Variants in PSG7 observed in about 807,000 individuals in gnomAD.
PSG7 encodes pregnancy-specific beta-1-glycoprotein 7.
A neutral mutation model predicts 45.6 loss-of-function variants in PSG7; 57 were observed. The ratio of observed to expected loss-of-function variants is 1.25; its 90% CI spans 1.01 to 1.56. The LOEUF is 1.56. Ranked by LOEUF, PSG7 falls within the 40% of genes most tolerant of loss-of-function variation. The probability of loss-of-function intolerance (pLI) is 0.00; values close to 1 mark genes in which losing one functional copy is unlikely to be tolerated. For synonymous variants in PSG7, 298 were observed against 194.4 expected (o/e 1.53, Z -4.43); for missense variants, 796 against 508.4 (o/e 1.57, Z -5.44).
chr19:42,935,869 T>G, intron 1 of PSG7, 100 bp from the exon 2 acceptor site: 2 of 1,149,008 alleles, frequency 1.7e-6, no homozygotes, highest in East Asian at 5.2e-5. Flanking sequence ...TCCTCAGCCT[T>G]GAAGACACAC....
chr19:42,931,478 AG>A (rs1973018249), intron 2 of PSG7, among the ~76,000 whole-genome samples: 1 of 151,656 alleles, frequency 6.6e-6, no homozygotes, highest in Non-Finnish European at 1.5e-5. Flanking sequence ...AAATATAGAA[AG>A]AACTGCCTGC....
intron 2 of PSG7, among the ~76,000 whole-genome samples, chr19:42,933,278 TATATATATATATATATATATA>T (rs1568459393): frequency 3.2e-4 from 2 of 6,256 alleles, no homozygotes; most frequent in East Asian, 0.012. Flanking sequence ...TATATATATA[TATATATATATATATATATATA>T]TATATATATT....
At position 42,935,680 on chromosome 19, in the gene PSG7, G is replaced by A. The variant is rs782078128; in HGVS notation, c.154C>T (p.Leu52Phe). Reference sequence around the variant, plus strand: ...TGGGGCAAATTGTGGACAAGTAGAAGAACATCCTTCCCCTCGGAAACTTTT... The same window carrying A: ...TGGGGCAAATTGTGGACAAGTAGAAAAACATCCTTCCCCTCGGAAACTTTT... The part of the protein sequence containing the change: ...PPKVSEGKDV[L>F]LLVHNLPQNL... The change falls in exon 2 of 6, where the codon CTT becomes TTT. Residue 52 changes from leucine to phenylalanine, a missense_variant. Leu to Phe is a conservative substitution (Grantham distance 22). Transcript: ENST00000406070. 6.2e-7 allele frequency: 1 copy of A among 1,612,056 alleles called. No homozygotes were observed. The highest frequency in any genetic ancestry group is 8.5e-7 in the Non-Finnish European group (1 of 1,179,094).
In PSG7 at chr19:42,926,574, G is replaced by C. The variant is rs533850575; in HGVS notation, c.852C>G (p.Pro284=). ...TGTTTTCAATGCGTCGCTTTACCCT[G>C]GGACTGACCGGGAGGCTCTGACCAT... ...WLNGQSLPVS[P]RVKRRIENRI... Residue 284 remains proline, a synonymous_variant, in exon 4 of 6, where the codon CCC becomes CCG. Coordinates refer to ENST00000406070, the MANE Select transcript of PSG7 (RefSeq NM_002783.3). 5.8e-5 allele frequency: 93 copies of C among 1,610,328 alleles called. 6 individuals carry two copies. The highest frequency in any genetic ancestry group is 5.3e-4 in the South Asian group (48 of 90,530).
rs551417199 is a variant in PSG7, at chr19:42,929,270, G to T, written c.709+172C>A. 6.4e-5 allele frequency: 92 copies of T among 1,426,680 alleles called. 1 individual carries two copies. The highest frequency in any genetic ancestry group is 6.4e-4 in the South Asian group (45 of 69,874). The allele number at this position is 1,426,680 out of a possible 1,614,324, so 88.4% of individuals were successfully genotyped here. A position where few individuals can be genotyped will look rare whatever the true frequency, so the allele number is the denominator to read the frequency against. The stretch of plus-strand genomic sequence containing the variant: ...GGAGCAGCCTCTTTTCTCTTATTGT[G>T]GATCAAGCCTAGGCCTACTCTGGTT... On this transcript the variant is annotated intron_variant, in intron 3 of 5. Transcript: ENST00000406070.
chr19:42,937,084 G>C lies in PSG7; in HGVS notation c.-8C>G, dbSNP rs752628223. 18 of 1,610,486 alleles carry C rather than the reference G, an allele frequency of 1.1e-5. 1 individual carries two copies. The South Asian group carries it at 1.2e-4, about 11-fold the overall frequency. On this transcript the variant is annotated 5_prime_UTR_variant, in exon 1 of 6. Transcript: ENST00000406070. ...GGCTGAGAGGGGCCCCATGGTCTCT[G>C]CTCCCTGCGTGTTCTCCTCTGTGGA... is the stretch of plus-strand genomic sequence containing the variant.
intron 1 of PSG7, chr19:42,936,356 C>A (rs756703636): frequency 6.3e-6 from 1 of 158,482 alleles, no homozygotes; most frequent in Non-Finnish European, 1.4e-5. Flanking sequence ...TTCTCAGGGG[C>A]CTCCATGCCC....
chr19:42,933,309 T>TATATATATA lies in PSG7; in HGVS notation c.430+2094_430+2095insTATATATAT, dbSNP rs1568459658. ...TATATATATATATATATATATATATTTTTTTTTTTTTTTGGTGTATGTATG... is the reference window on the plus strand; with the variant it reads ...TATATATATATATATATATATATATTATATATATATTTTTTTTTTTTTGGTGTATGTATG... On this transcript the variant is annotated intron_variant, in intron 2 of 5. Coordinates refer to ENST00000406070, the MANE Select transcript of PSG7 (RefSeq NM_002783.3). 1.0e-3 allele frequency among the ~76,000 whole-genome samples: 22 copies of TATATATATA among 21,142 alleles called. 1 individual carries two copies. Among genetic ancestry groups the TATATATATA allele is most frequent in the African/African-American group, 2.1e-3 (19 of 8,920 alleles). 13.9% of individuals were successfully genotyped at this position (21,142 alleles called of 152,430 possible). A position where few individuals can be genotyped will look rare whatever the true frequency, so the allele number is the denominator to read the frequency against.
intron 4 of PSG7, 50 bp from the exon 5 acceptor site, chr19:42,926,077 A>G (rs1391498296): frequency 1.3e-6 from 2 of 1,597,396 alleles, no homozygotes; most frequent in Admixed American, 1.7e-5. Flanking sequence ...AGGGAAGGGG[A>G]TGCTCCTGGT....
In PSG7 at chr19:42,925,789, C is replaced by T. The variant is rs373648951; in HGVS notation, c.1227G>A (p.Val409=). The change falls in exon 5 of 6, where the codon GTG becomes GTA. Residue 409 remains valine, a synonymous_variant. Coordinates refer to ENST00000406070, the MANE Select transcript of PSG7 (RefSeq NM_002783.3). ...TCCACTTACCAGAGACTCTGACTGT[C>T]ACGGATTTGGAGCTTTCCTTGCCAG... is the stretch of plus-strand genomic sequence containing the variant. ...SATGKESSKS[V]TVRVSDWTLP The T allele has an allele frequency of 1.1e-5, 17 of 1,612,046 alleles. No homozygotes were observed. In the East Asian group the frequency reaches 3.8e-4, roughly 36 times the overall value.
In PSG7 at chr19:42,936,084, C is replaced by T. The variant is rs535538455; in HGVS notation, c.65-315G>A. 1.9e-5 allele frequency: 7 copies of T among 360,512 alleles called. No individual in the cohort carries two copies. The East Asian group carries it at 2.9e-4, about 15-fold the overall frequency. 22.3% of individuals were successfully genotyped at this position (360,512 alleles called of 1,614,324 possible). The stretch of plus-strand genomic sequence containing the variant: ...GGTCCGCACGGCCCCCTCCACACTG[C>T]CCTCAGGTTCTGCTCACATCAGGGC... On this transcript the variant is annotated intron_variant, in intron 1 of 5. Coordinates refer to ENST00000406070, the MANE Select transcript of PSG7 (RefSeq NM_002783.3).
At chr19:42,936,876 T>C in intron 1 of PSG7, 137 bp downstream of exon 1, 1 of 1,335,226 alleles carries the variant, frequency 7.5e-7, no homozygotes, top group South Asian at 1.3e-5. Flanking sequence ...CTTGAACTCC[T>C]GATCTCTTGA....
At chr19:42,933,884 G>T (rs1413118078) in intron 2 of PSG7, among the ~76,000 whole-genome samples, 1 of 151,342 alleles carries the variant, frequency 6.6e-6, no homozygotes. Context: ...TGGCTTTAGG[G>T]GCAAGAGGTA....
intron 2 of PSG7, among the ~76,000 whole-genome samples, chr19:42,934,758 T>G: frequency 6.6e-6 from 1 of 151,634 alleles, no homozygotes; most frequent in Non-Finnish European, 1.5e-5. Context: ...CTAGGCCTCC[T>G]AAGGCAGTTG....
In PSG7 at chr19:42,929,566, C is replaced by G. The variant is rs753687777; in HGVS notation, c.585G>C (p.Leu195=). The part of the protein sequence containing the change: ...QSLPMTHSLQ[L]SETNRTLYLF... ...GGTAGAGGGTCCTGTTGGTTTCAGA[C>G]AGCTGCAAGCTGTGAGTCATAGGGA... Residue 195 remains leucine, a synonymous_variant, in exon 3 of 6, where the codon CTG becomes CTC. Coordinates refer to ENST00000406070, the MANE Select transcript of PSG7 (RefSeq NM_002783.3). 1 of 1,612,602 alleles carries G rather than the reference C, an allele frequency of 6.2e-7. No homozygotes were observed. The highest frequency in any genetic ancestry group is 8.5e-7 in the Non-Finnish European group (1 of 1,179,240).
At chr19:42,930,084 CT>C (rs1417283742) in intron 2 of PSG7, among the ~76,000 whole-genome samples, 1 of 151,672 alleles carries the variant, frequency 6.6e-6, no homozygotes, top group Admixed American at 6.6e-5. Flanking sequence ...CTGGAATCTT[CT>C]TAGTTTCAAT....
Position 42,932,486 on chromosome 19 carries a change from C to T in PSG7, c.431-2766G>A, listed in dbSNP as rs907468452. Reference sequence around the variant, plus strand: ...CTCCATAGCAGGTTGAGAATGGAGTCACGAGTGAAATGGGTGAAATGAGCC... The same window carrying T: ...CTCCATAGCAGGTTGAGAATGGAGTTACGAGTGAAATGGGTGAAATGAGCC... On this transcript the variant is annotated intron_variant, in intron 2 of 5. Transcript: ENST00000406070. Among the ~76,000 whole-genome samples the T allele has an allele frequency of 9.9e-5, 15 of 151,532 alleles. 1 individual carries two copies. The highest frequency in any genetic ancestry group is 3.6e-4 in the African/African-American group (15 of 41,268).
intron 3 of PSG7, among the ~76,000 whole-genome samples, chr19:42,928,372 G>C (rs560279015): frequency 6.6e-6 from 1 of 151,500 alleles, no homozygotes; most frequent in African/African-American, 2.4e-5. Flanking sequence ...CTCACTTTGC[G>C]TAGTATTTTC....
At chr19:42,930,811 G>A (rs1446708315) in intron 2 of PSG7, among the ~76,000 whole-genome samples, 1 of 151,554 alleles carries the variant, frequency 6.6e-6, no homozygotes, top group Non-Finnish European at 1.5e-5. Flanking sequence ...TTTCAGTTAT[G>A]CAGGATGAGG....
Sources: gnomAD v4.1 joint callset for allele counts (sites outside exome capture counted in the v4.1 genomes callset) on GRCh38, gnomAD v4.1.1 for gene constraint, MANE v1.5 for transcripts, NCBI Gene and HGNC (gene_info 2026-07-23, HGNC 2026-07-21) for gene names.